Variants in SGCZ observed in about 807,000 individuals in gnomAD.
The protein encoded by SGCZ is zeta-sarcoglycan.
Under a neutral mutation model 41.3 loss-of-function variants are expected in SGCZ, and 40 were observed. The observed-to-expected ratio is 0.97, with a 90% CI of 0.75 to 1.26. The LOEUF (loss-of-function observed/expected upper bound fraction) is 1.26, where lower values mean the gene tolerates loss of function less well. Ranked by LOEUF, SGCZ falls within the 50% of genes most tolerant of loss-of-function variation. The pLI is 0.00. For synonymous variants in SGCZ, 206 were observed against 137.5 expected (o/e 1.50, Z -3.49); for missense variants, 552 against 369.8 (o/e 1.49, Z -4.04).
At chr8:15,132,516 C>T (rs1230566543) in intron 1 of SGCZ, among the ~76,000 whole-genome samples, 1 of 152,172 alleles carries the variant, frequency 6.6e-6, no homozygotes, top group African/African-American at 2.4e-5. Context: ...AGAGGGAAGA[C>T]ATATGAAATC....
At chr8:14,849,041 A>C (rs1013739544) in intron 1 of SGCZ, among the ~76,000 whole-genome samples, 1 of 152,188 alleles carries the variant, frequency 6.6e-6, no homozygotes, top group Non-Finnish European at 1.5e-5. Context: ...TGTTCACCAA[A>C]TAAGGTATAT....
intron 1 of SGCZ, among the ~76,000 whole-genome samples, chr8:15,033,619 C>T (rs1224042601): frequency 6.6e-6 from 1 of 152,142 alleles, no homozygotes; most frequent in Non-Finnish European, 1.5e-5. Flanking sequence ...CCCACCACAG[C>T]ATCGGGACAG....
chr8:15,054,794 A>C (rs1476624608), intron 1 of SGCZ, among the ~76,000 whole-genome samples: 2 of 151,664 alleles, frequency 1.3e-5, no homozygotes, highest in Admixed American at 1.3e-4. Context: ...CTCTACTAAA[A>C]AAATACAAAA....
intron 1 of SGCZ, among the ~76,000 whole-genome samples, chr8:15,136,191 T>C (rs1222209827): frequency 6.6e-6 from 1 of 151,936 alleles, no homozygotes; most frequent in Non-Finnish European, 1.5e-5. Context: ...CTGAGTAGAG[T>C]CCTGCCTCCT....
chr8:15,081,411 G>C (rs1343331307), intron 1 of SGCZ, among the ~76,000 whole-genome samples: 1 of 150,456 alleles, frequency 6.6e-6, no homozygotes, highest in Non-Finnish European at 1.5e-5. Flanking sequence ...AAGAAACCTA[G>C]TTTATGACAG....
At chr8:14,370,220 G>C (rs1362562084) in intron 2 of SGCZ, among the ~76,000 whole-genome samples, 1 of 151,910 alleles carries the variant, frequency 6.6e-6, no homozygotes, top group African/African-American at 2.4e-5. Context: ...TCAGTTCTCT[G>C]TAAGTTAAAA....
chr8:14,681,835 T>A (rs546251574), intron 1 of SGCZ, among the ~76,000 whole-genome samples: 1 of 152,206 alleles, frequency 6.6e-6, no homozygotes, highest in African/African-American at 2.4e-5. Context: ...GGCTTTTAGA[T>A]GACACAAGTG....
chr8:15,204,123 A>G (rs1800984630), intron 1 of SGCZ, among the ~76,000 whole-genome samples: 1 of 152,142 alleles, frequency 6.6e-6, no homozygotes, highest in Admixed American at 6.6e-5. Flanking sequence ...CTTCTGTTAC[A>G]CATCTTACAT....
chr8:15,200,151 G>A (rs951072050), intron 1 of SGCZ, among the ~76,000 whole-genome samples: 6 of 152,176 alleles, frequency 3.9e-5, no homozygotes, highest in Admixed American at 2.6e-4. Context: ...TGTGTTCAGC[G>A]AGTTTCCTCA....
At chr8:14,523,538 A>C (rs1802851523) in intron 2 of SGCZ, among the ~76,000 whole-genome samples, 1 of 151,948 alleles carries the variant, frequency 6.6e-6, no homozygotes, top group South Asian at 2.1e-4. Context: ...TGTCATTCAT[A>C]TTCTTCTTTT....
intron 1 of SGCZ, among the ~76,000 whole-genome samples, chr8:14,576,936 G>A (rs961515173): frequency 6.6e-5 from 10 of 152,160 alleles, no homozygotes; most frequent in African/African-American, 1.7e-4. Flanking sequence ...TACCCGTGAG[G>A]ACATTCATTC....
At chr8:14,990,977 A>G (rs935644560) in intron 1 of SGCZ, among the ~76,000 whole-genome samples, 2 of 152,174 alleles carry the variant, frequency 1.3e-5, no homozygotes, top group South Asian at 4.1e-4. Flanking sequence ...CTTAAAAATA[A>G]TTCTTTGTCC....
intron 1 of SGCZ, among the ~76,000 whole-genome samples, chr8:14,830,531 G>C (rs985986967): frequency 6.6e-6 from 1 of 151,856 alleles, no homozygotes; most frequent in African/African-American, 2.4e-5. Flanking sequence ...TGTTTAAATT[G>C]TAACTTTATA....
At chr8:14,998,691 T>C (rs1391726389) in intron 1 of SGCZ, among the ~76,000 whole-genome samples, 1 of 152,224 alleles carries the variant, frequency 6.6e-6, no homozygotes, top group Non-Finnish European at 1.5e-5. Context: ...TTATTCATAA[T>C]TCTTATCAGA....
intron 1 of SGCZ, among the ~76,000 whole-genome samples, chr8:14,999,734 G>A (rs1207345548): frequency 2.0e-5 from 3 of 152,178 alleles, no homozygotes; most frequent in Admixed American, 6.5e-5. Flanking sequence ...ACCCCAGGCA[G>A]TCTGAGTCAA....
intron 1 of SGCZ, among the ~76,000 whole-genome samples, chr8:14,630,103 G>GT (rs1266276829): frequency 1.3e-5 from 2 of 152,062 alleles, no homozygotes; most frequent in Non-Finnish European, 2.9e-5. Context: ...AGCATTGTTA[G>GT]TTTCTTGCCT....
chr8:14,624,347 T>C (rs760432058), intron 1 of SGCZ, among the ~76,000 whole-genome samples: 2 of 152,002 alleles, frequency 1.3e-5, no homozygotes, highest in Non-Finnish European at 2.9e-5. Flanking sequence ...GCCAACTTAG[T>C]TATCATCAAA....
chr8:14,423,026 T>G (rs1799677214), intron 2 of SGCZ, among the ~76,000 whole-genome samples: 1 of 152,244 alleles, frequency 6.6e-6, no homozygotes, highest in East Asian at 1.9e-4. Context: ...AGACCCTGTA[T>G]TAAAAACAAA....
At chr8:14,133,662 C>G (rs1803108964) in intron 5 of SGCZ, among the ~76,000 whole-genome samples, 1 of 152,142 alleles carries the variant, frequency 6.6e-6, no homozygotes, top group Middle Eastern at 3.4e-3. Flanking sequence ...CACTTTTTTA[C>G]TATTTTTTTT....
Sources: gnomAD v4.1 joint callset for allele counts (sites outside exome capture counted in the v4.1 genomes callset) on GRCh38, gnomAD v4.1.1 for gene constraint, MANE v1.5 for transcripts, NCBI Gene and HGNC (gene_info 2026-07-23, HGNC 2026-07-21) for gene names.